LDLRAD4: variants seen among roughly 807,000 people sequenced by gnomAD.
LDLRAD4 encodes the protein low density lipoprotein receptor class A domain containing 4.
In LDLRAD4, 5 loss-of-function variants were observed where a neutral mutation model predicts 17.0. That is an observed-to-expected ratio of 0.29 (90% CI 0.15 to 0.62). LDLRAD4 has a LOEUF of 0.62. LDLRAD4 is among the 20% of genes least tolerant of loss of function. LDLRAD4 has a pLI of 0.84. For missense variants in LDLRAD4, 340 were observed against 424.7 expected (o/e 0.80, Z 1.75); for synonymous variants, 168 against 171.8 (o/e 0.98, Z 0.17).
At chr18:13,448,249 G>T (rs1248662405) in intron 3 of LDLRAD4, among the ~76,000 whole-genome samples, 1 of 152,176 alleles carries the variant, frequency 6.6e-6, no homozygotes, top group Non-Finnish European at 1.5e-5. Flanking sequence ...CCCGCGGGGT[G>T]ACCTGCGTTA....
At chr18:13,485,611 G>A (rs944617651) in intron 3 of LDLRAD4, among the ~76,000 whole-genome samples, 1 of 152,234 alleles carries the variant, frequency 6.6e-6, no homozygotes, top group Non-Finnish European at 1.5e-5. Context: ...CGTGGCCTGG[G>A]ATCACCTGCC....
chr18:13,383,208 G>T (rs10853232), intron 1 of LDLRAD4, among the ~76,000 whole-genome samples: 1 of 152,044 alleles, frequency 6.6e-6, no homozygotes, highest in South Asian at 2.1e-4. Context: ...GAAGCTTCAC[G>T]TAAGTGTCTT....
chr18:13,493,737 G>T (rs1256552149), intron 3 of LDLRAD4, among the ~76,000 whole-genome samples: 1 of 152,244 alleles, frequency 6.6e-6, no homozygotes, highest in African/African-American at 2.4e-5. Context: ...CTGGGGCTCA[G>T]AGTTGGACAT....
chr18:13,399,215 A>G (rs1455012374), intron 2 of LDLRAD4, among the ~76,000 whole-genome samples: 1 of 152,010 alleles, frequency 6.6e-6, no homozygotes, highest in African/African-American at 2.4e-5. Context: ...GAGAAAAAAA[A>G]GAAAAAAAAA....
intron 3 of LDLRAD4, among the ~76,000 whole-genome samples, chr18:13,481,872 CGT>C (rs1447542446): frequency 2.8e-5 from 4 of 144,984 alleles, no homozygotes; most frequent in African/African-American, 1.0e-4. Context: ...AATGACAGAG[CGT>C]GAGAGGTGAG....
intron 2 of LDLRAD4, among the ~76,000 whole-genome samples, chr18:13,393,731 C>T (rs924137509): frequency 1.3e-5 from 2 of 152,184 alleles, no homozygotes; most frequent in Non-Finnish European, 2.9e-5. Flanking sequence ...AGGGCTGCTT[C>T]TTGCTTCATA....
intron 3 of LDLRAD4, chr18:13,585,481 A>T (rs1263298733): frequency 6.6e-6 from 1 of 152,182 alleles, no homozygotes. Context: ...TTATTAATGC[A>T]CTAATGAGCA....
chr18:13,223,134 A>T (rs534838905), intron 1 of LDLRAD4, among the ~76,000 whole-genome samples: 1 of 152,210 alleles, frequency 6.6e-6, no homozygotes, highest in South Asian at 2.1e-4. Flanking sequence ...GCCACCTCAT[A>T]CCAGGGGCCC....
exon 6 of LDLRAD4, chr18:13,646,934 C>T (rs1410576720): frequency 6.6e-6 from 1 of 152,166 alleles, no homozygotes. Context: ...TTTGGAAGCC[C>T]CTAGAAATAA....
chr18:13,401,776 T>G (rs1189669092), intron 2 of LDLRAD4, among the ~76,000 whole-genome samples: 2 of 152,214 alleles, frequency 1.3e-5, no homozygotes, highest in East Asian at 3.8e-4. Flanking sequence ...TGGACCCGCC[T>G]TGGGGACTCT....
chr18:13,238,712 C>A (rs1212177962), intron 1 of LDLRAD4, among the ~76,000 whole-genome samples: 3 of 152,184 alleles, frequency 2.0e-5, no homozygotes, highest in Non-Finnish European at 4.4e-5. Context: ...GACTCAATAC[C>A]TGGGAGGGGC....
intron 1 of LDLRAD4, among the ~76,000 whole-genome samples, chr18:13,297,700 C>A (rs537136777): frequency 1.3e-5 from 2 of 152,086 alleles, no homozygotes; most frequent in Non-Finnish European, 2.9e-5. Context: ...CTTGGGAGGC[C>A]GAGACAGGAG....
intron 1 of LDLRAD4, among the ~76,000 whole-genome samples, chr18:13,291,549 C>G (rs2045963836): frequency 6.6e-6 from 1 of 152,096 alleles, no homozygotes; most frequent in Non-Finnish European, 1.5e-5. Context: ...TCTGGAGCAC[C>G]TCTCACCTCC....
intron 3 of LDLRAD4, among the ~76,000 whole-genome samples, chr18:13,592,931 G>A (rs571037854): frequency 2.1e-4 from 32 of 152,338 alleles, no homozygotes; most frequent in African/African-American, 7.7e-4. Flanking sequence ...AAACCTGATT[G>A]TGTCAAATGA....
intron 3 of LDLRAD4, among the ~76,000 whole-genome samples, chr18:13,552,582 T>C (rs1384811813): frequency 6.6e-6 from 1 of 152,184 alleles, no homozygotes; most frequent in Non-Finnish European, 1.5e-5. Context: ...GTGCCTTTGA[T>C]AGATGGCCAG....
chr18:13,345,144 ATCCCTCTCTTG>A (rs1599561291), intron 1 of LDLRAD4, among the ~76,000 whole-genome samples: 3 of 152,178 alleles, frequency 2.0e-5, no homozygotes, highest in Admixed American at 1.3e-4. Flanking sequence ...GAGAGAGGGT[ATCCCTCTCTTG>A]TGCCAGTTTT....
chr18:13,303,450 C>G (rs1363759445), intron 1 of LDLRAD4, among the ~76,000 whole-genome samples: 1 of 152,068 alleles, frequency 6.6e-6, no homozygotes, highest in African/African-American at 2.4e-5. Context: ...CTCTTTCTCT[C>G]TCTCTCCCCG....
At chr18:13,544,069 C>T (rs773488387) in intron 3 of LDLRAD4, among the ~76,000 whole-genome samples, 66 of 152,274 alleles carry the variant, frequency 4.3e-4, no homozygotes, top group African/African-American at 1.5e-3. Context: ...AAGCTGAGGC[C>T]GCACTTCTGG....
chr18:13,449,938 A>G (rs2091688495), intron 3 of LDLRAD4, among the ~76,000 whole-genome samples: 1 of 152,132 alleles, frequency 6.6e-6, no homozygotes, highest in Non-Finnish European at 1.5e-5. Context: ...ATCAAGCAAA[A>G]TGATGGACCT....
Sources: gnomAD v4.1 joint callset for allele counts (sites outside exome capture counted in the v4.1 genomes callset) on GRCh38, gnomAD v4.1.1 for gene constraint, MANE v1.5 for transcripts, NCBI Gene and HGNC (gene_info 2026-07-23, HGNC 2026-07-21) for gene names.